POU6F2: variants seen among roughly 807,000 people sequenced by gnomAD.
POU6F2 encodes POU domain, class 6, transcription factor 2.
In POU6F2, 31 loss-of-function variants were observed where a neutral mutation model predicts 71.3. The observed-to-expected ratio is 0.43, with a 90% CI of 0.33 to 0.59. The LOEUF is 0.59. Among genes scored for constraint, POU6F2 ranks in the 20% least tolerant of loss-of-function variants. POU6F2 has a pLI of 0.04. For missense variants in POU6F2, 783 were observed against 856.8 expected, an observed-to-expected ratio of 0.91 and a Z score of 1.07; for synonymous variants, 347 against 355.7, an observed-to-expected ratio of 0.98 and a Z score of 0.27.
At chr7:39,068,847 T>G (rs975790556) in intron 1 of POU6F2, among the ~76,000 whole-genome samples, 1 of 152,152 alleles carries the variant, frequency 6.6e-6, no homozygotes, top group Non-Finnish European at 1.5e-5. Context: ...GGGTTCCCAC[T>G]GTTTAGCATT....
chr7:39,179,416 GGGGGTTAAC>G (rs1793391318), intron 2 of POU6F2, among the ~76,000 whole-genome samples: 1 of 152,238 alleles, frequency 6.6e-6, no homozygotes, highest in African/African-American at 2.4e-5. Context: ...GGGTTGCTGT[GGGGGTTAAC>G]TGGGTTAGAA....
intron 6 of POU6F2, among the ~76,000 whole-genome samples, chr7:39,414,158 G>A (rs1334203153): frequency 2.0e-5 from 3 of 152,154 alleles, no homozygotes; most frequent in East Asian, 3.9e-4. Flanking sequence ...AATGCTGCAG[G>A]AAGCCATTCA....
At chr7:39,313,589 G>A (rs547696330) in intron 4 of POU6F2, among the ~76,000 whole-genome samples, 1 of 152,038 alleles carries the variant, frequency 6.6e-6, no homozygotes, top group Non-Finnish European at 1.5e-5. Flanking sequence ...CAGGGTCTAA[G>A]TCCATTCCTT....
chr7:39,432,585 C>G (rs1788132768), intron 6 of POU6F2, among the ~76,000 whole-genome samples: 1 of 152,008 alleles, frequency 6.6e-6, no homozygotes, highest in African/African-American at 2.4e-5. Context: ...CGGGGAGCCC[C>G]TCCCCCGACA....
At chr7:39,271,664 G>A (rs926441203) in intron 4 of POU6F2, among the ~76,000 whole-genome samples, 3 of 152,132 alleles carry the variant, frequency 2.0e-5, no homozygotes, top group Non-Finnish European at 2.9e-5. Flanking sequence ...TTCCCGTCTC[G>A]TGGCTGAGCA....
chr7:39,040,120 A>T (rs866451841), intron 1 of POU6F2, among the ~76,000 whole-genome samples: 4 of 3,146 alleles, frequency 1.3e-3, no homozygotes, highest in Non-Finnish European at 2.2e-3. Flanking sequence ...ATATACATTT[A>T]TATATATATA....
intron 1 of POU6F2, among the ~76,000 whole-genome samples, chr7:39,032,486 T>G (rs373968826): frequency 6.6e-6 from 1 of 152,232 alleles, no homozygotes. Context: ...TGATCACACC[T>G]GTTTGCTACA....
At chr7:39,228,192 G>A (rs1451328377) in intron 4 of POU6F2, among the ~76,000 whole-genome samples, 1 of 152,146 alleles carries the variant, frequency 6.6e-6, no homozygotes, top group African/African-American at 2.4e-5. Flanking sequence ...CAAATCACCG[G>A]CTCAAAATAT....
intron 4 of POU6F2, among the ~76,000 whole-genome samples, chr7:39,316,054 T>C (rs868215617): frequency 1.3e-5 from 2 of 152,236 alleles, no homozygotes; most frequent in Middle Eastern, 6.8e-3. Context: ...GGTAGTAATA[T>C]TGGTAGCAGT....
chr7:39,023,788 T>G (rs1464821954), intron 1 of POU6F2, among the ~76,000 whole-genome samples: 3 of 152,070 alleles, frequency 2.0e-5, no homozygotes, highest in Non-Finnish European at 2.9e-5. Context: ...TTTTCTATAT[T>G]ATTCCACTTA....
chr7:39,070,196 C>T (rs1243248379), intron 1 of POU6F2, among the ~76,000 whole-genome samples: 11 of 152,150 alleles, frequency 7.2e-5, no homozygotes, highest in Admixed American at 4.6e-4. Context: ...ATATAAAGAC[C>T]GTTGTGGTAA....
At chr7:39,453,846 G>C (rs1351709846) in intron 8 of POU6F2, among the ~76,000 whole-genome samples, 1 of 152,112 alleles carries the variant, frequency 6.6e-6, no homozygotes, top group South Asian at 2.1e-4. Context: ...TGCAATTGAA[G>C]CCGGAAACTT....
intron 4 of POU6F2, among the ~76,000 whole-genome samples, chr7:39,236,300 A>G (rs1221442877): frequency 1.3e-5 from 2 of 152,174 alleles, no homozygotes; most frequent in East Asian, 1.9e-4. Context: ...AATATAACTA[A>G]GCGCCTCTAA....
intron 4 of POU6F2, among the ~76,000 whole-genome samples, chr7:39,307,229 A>G (rs1041895871): frequency 3.3e-5 from 5 of 152,370 alleles, no homozygotes; most frequent in Non-Finnish European, 7.3e-5. Context: ...TCTTTCTACA[A>G]TGGCAGCTTT....
In POU6F2 at chr7:39,273,535, A is replaced by C. The variant is rs1191571145; in HGVS notation, c.598+65915A>C. On this transcript the variant is annotated intron_variant, in intron 4 of 9. Transcript: ENST00000518318. ...TTTTAAGGTCATGAAAAACATAGAA[A>C]GACTGGGAAACTATCACAGGCCAGA... Among the ~76,000 whole-genome samples the C allele has an allele frequency of 5.9e-5, 9 of 152,120 alleles. No individual in the cohort carries two copies. In the East Asian group the frequency reaches 1.8e-3, roughly 30 times the overall value.
intron 7 of POU6F2, among the ~76,000 whole-genome samples, chr7:39,448,531 C>G (rs893283275): frequency 6.6e-6 from 1 of 152,162 alleles, no homozygotes; most frequent in African/African-American, 2.4e-5. Context: ...CCTTTTGACT[C>G]TCCTTTTGAC....
chr7:38,995,535 T>C (rs1788712015), intron 1 of POU6F2, among the ~76,000 whole-genome samples: 1 of 152,172 alleles, frequency 6.6e-6, no homozygotes, highest in Non-Finnish European at 1.5e-5. Flanking sequence ...CTAAAATATT[T>C]GTTTGGCTAC....
chr7:39,147,820 T>C (rs1792653659), intron 2 of POU6F2, among the ~76,000 whole-genome samples: 1 of 152,148 alleles, frequency 6.6e-6, no homozygotes, highest in Admixed American at 6.5e-5. Flanking sequence ...TGTCCTATAC[T>C]TCATTTCAGG....
chr7:39,230,564 C>G (rs1003454453), intron 4 of POU6F2, among the ~76,000 whole-genome samples: 1 of 151,998 alleles, frequency 6.6e-6, no homozygotes. Context: ...AATACTTGCT[C>G]AATAAAACCA....
Sources: allele counts gnomAD v4.1 joint callset (sites outside exome capture counted in the v4.1 genomes callset), GRCh38; gene constraint gnomAD v4.1.1; transcripts MANE v1.5; gene names NCBI Gene and HGNC (gene_info 2026-07-23, HGNC 2026-07-21).